ABCA9: variants seen among roughly 807,000 people sequenced by gnomAD.
ABCA9 encodes ATP-binding cassette sub-family A member 9.
ABCA9 carries 183 observed loss-of-function variants against 205.3 expected under a neutral mutation model. The observed-to-expected ratio is 0.89, with a 90% CI of 0.79 to 1.01. The LOEUF (loss-of-function observed/expected upper bound fraction) is 1.01. Among genes scored for constraint, ABCA9 ranks in the 50% least tolerant of loss-of-function variants. The pLI, the probability that ABCA9 is intolerant of heterozygous loss-of-function variation, is 0.00. For synonymous variants in ABCA9, 651 were observed against 683.3 expected (o/e 0.95, Z 0.74); for missense variants, 1,805 against 1,912.4 (o/e 0.94, Z 1.05).
chr17:69,027,624 T>TAATA lies in ABCA9; in HGVS notation c.1791+12_1791+15dup. The TAATA allele has an allele frequency of 4.4e-6, 7 of 1,608,142 alleles. No individual in the cohort carries two copies. Among genetic ancestry groups the TAATA allele is most frequent in the Non-Finnish European group, 5.9e-6 (7 of 1,177,218 alleles). On this transcript the variant is annotated intron_variant, in intron 13 of 38. Transcript: ENST00000340001. The stretch of plus-strand genomic sequence containing the variant: ...CTCTTTTTTATGGCTATGTGACATC[T>TAATA]AATATGCTCACATACCTCTTTCTCC...
At chr17:69,054,664 C>G (rs1429568784) in intron 1 of ABCA9, among the ~76,000 whole-genome samples, 1 of 151,538 alleles carries the variant, frequency 6.6e-6, no homozygotes, top group Non-Finnish European at 1.5e-5. Flanking sequence ...AAAATAATAG[C>G]AATGTATTCA....
chr17:69,074,310 A>C, the ABCA9 span, among the ~76,000 whole-genome samples: 16 of 152,236 alleles, frequency 1.1e-4, no homozygotes, highest in African/African-American at 3.6e-4. Context: ...TTCTTACATG[A>C]GTATATTGCA....
intron 1 of ABCA9, among the ~76,000 whole-genome samples, chr17:69,053,876 G>T (rs766987659): frequency 1.3e-5 from 2 of 151,878 alleles, no homozygotes; most frequent in African/African-American, 4.8e-5. Context: ...ACTACACCAA[G>T]AAATATCATT....
intron 1 of ABCA9, among the ~76,000 whole-genome samples, chr17:69,055,070 T>C (rs1317988873): frequency 6.6e-6 from 1 of 152,140 alleles, no homozygotes; most frequent in African/African-American, 2.4e-5. Flanking sequence ...AGAAAAAATG[T>C]AGACCAAAAA....
At chr17:69,027,615 T>A (rs553725833) in intron 13 of ABCA9, 25 bp downstream of exon 13, 1 of 1,604,098 alleles carries the variant, frequency 6.2e-7, no homozygotes, top group Non-Finnish European at 8.5e-7. Context: ...TTTATGGCTA[T>A]GTGACATCTA....
Position 68,983,217 on chromosome 17 carries a change from C to A in ABCA9, c.4640+492G>T, listed in dbSNP as rs1191040069. Among the ~76,000 whole-genome samples, 10 of 152,106 alleles carry A rather than the reference C, an allele frequency of 6.6e-5. No homozygotes were observed. The South Asian group carries it at 2.1e-3, about 32-fold the overall frequency. On this transcript the variant is annotated intron_variant, in intron 36 of 38. Transcript: ENST00000340001. Reference sequence around the variant, plus strand: ...AAGGGAAGAAGCAGAACTTCTTATCCTTCTTCTTAGTGAGAAGAGAGTAGC... The same window carrying A: ...AAGGGAAGAAGCAGAACTTCTTATCATTCTTCTTAGTGAGAAGAGAGTAGC...
At position 69,027,057 on chromosome 17, in the gene ABCA9, A is replaced by G. The variant is rs2144335295; in HGVS notation, c.1969T>C (p.Trp657Arg). The G allele has an allele frequency of 6.2e-7, 1 of 1,614,166 alleles. No individual in the cohort carries two copies. The highest frequency in any genetic ancestry group is 1.6e-4 in the Middle Eastern group (1 of 6,062). Residue 657 changes from tryptophan to arginine, a missense_variant, in exon 15 of 39, where the codon TGG becomes CGG. Physicochemically the swap from Trp to Arg is moderately radical, Grantham distance 101. Transcript: ENST00000340001. ...GATTTCCCCTCTTTCAGGAGATTCC[A>G]TATTCGGTGCCTTGAAAGAGGATCC... is the stretch of plus-strand genomic sequence containing the variant. ...GLDPLSRHRI[W>R]NLLKEGKSDR...
chr17:69,072,929 A>G, the ABCA9 span, among the ~76,000 whole-genome samples: 3 of 152,218 alleles, frequency 2.0e-5, no homozygotes, highest in Admixed American at 6.5e-5. Flanking sequence ...ATGGAAAGCA[A>G]ATAAAGCAGG....
chr17:68,987,383 G>A lies in ABCA9; in HGVS notation c.4048-1059C>T, dbSNP rs534766005. On this transcript the variant is annotated intron_variant, in intron 31 of 38. Transcript: ENST00000340001. The stretch of plus-strand genomic sequence containing the variant: ...TAAAATATAAGTAGTAAGTAAACAC[G>A]TAAGTGAACAATTTATAACCTCTGC... 3.9e-5 allele frequency among the ~76,000 whole-genome samples: 6 copies of A among 152,318 alleles called. No individual in the cohort carries two copies. In the South Asian group the frequency reaches 6.2e-4, roughly 16 times the overall value.
intron 6 of ABCA9, among the ~76,000 whole-genome samples, chr17:69,041,685 C>T (rs1026576584): frequency 6.9e-5 from 10 of 145,700 alleles, no homozygotes; most frequent in African/African-American, 1.5e-4. Context: ...GCCTGGGTGA[C>T]GGAGCAAGAC....
At chr17:69,039,138 C>T (rs888185945) in intron 6 of ABCA9, among the ~76,000 whole-genome samples, 1 of 152,148 alleles carries the variant, frequency 6.6e-6, no homozygotes, top group African/African-American at 2.4e-5. Flanking sequence ...GCCATACTGT[C>T]CAAAGTAATT....
At chr17:69,046,914 A>T (rs1283607736) in intron 3 of ABCA9, among the ~76,000 whole-genome samples, 4 of 113,086 alleles carry the variant, frequency 3.5e-5, no homozygotes, top group African/African-American at 9.7e-5. Context: ...TATATATATA[A>T]AATTTTATAT....
intron 2 of ABCA9, 33 bp from the exon 3 acceptor site, chr17:69,049,523 T>G (rs936850719): frequency 2.2e-5 from 34 of 1,522,638 alleles, no homozygotes; most frequent in Non-Finnish European, 3.0e-5. Context: ...GGAAACAAAC[T>G]GGTAGATGTT....
rs2070910318 is a variant in ABCA9 at position 69,024,209 on chromosome 17, G to A, written c.2281+5C>T. The A allele has an allele frequency of 6.2e-7, 1 of 1,611,016 alleles. No homozygotes were observed. The highest frequency in any genetic ancestry group is 8.5e-7 in the Non-Finnish European group (1 of 1,179,004). On this transcript the variant is annotated splice_donor_5th_base_variant and intron_variant, in intron 17 of 38. Transcript: ENST00000340001. ...AACCATTCTGTCATCTTTACATTTT[G>A]TTACCTGGAAATTTGTTTGTCCTTT... is the stretch of plus-strand genomic sequence containing the variant.
chr17:69,026,312 C>T (rs1235073724), intron 16 of ABCA9, 65 bp downstream of exon 16: 14 of 1,323,648 alleles, frequency 1.1e-5, no homozygotes, highest in African/African-American at 1.5e-5. Context: ...CACATTGATG[C>T]TGATACCACC....
intron 31 of ABCA9, among the ~76,000 whole-genome samples, chr17:68,987,185 C>A (rs984430980): frequency 2.0e-5 from 3 of 152,162 alleles, no homozygotes; most frequent in Non-Finnish European, 4.4e-5. Context: ...TTATCACAAG[C>A]ATGGATTATG....
Position 69,045,331 on chromosome 17 carries a change from T to G in ABCA9, c.310A>C (p.Thr104Pro). The part of the protein sequence containing the change: ...VASAPFLKGR[T>P]IMGWPDEKSM... ...TTTTCATCAGGCCACCCCATGATTG[T>G]TCTTCCTGCCATGTGAAGAAAACAA... The change falls in exon 4 of 39, where the codon ACA becomes CCA. Residue 104 changes from threonine to proline, a missense_variant. Coordinates refer to ENST00000340001, the MANE Select transcript of ABCA9 (RefSeq NM_080283.4). 6.2e-7 allele frequency: 1 copy of G among 1,608,320 alleles called. No individual in the cohort carries two copies. Among genetic ancestry groups the G allele is most frequent in the Non-Finnish European group, 8.5e-7 (1 of 1,177,154 alleles).
upstream of ABCA9, among the ~76,000 whole-genome samples, chr17:69,061,895 G>A (rs1567981777): frequency 6.6e-6 from 1 of 152,126 alleles, no homozygotes; most frequent in Admixed American, 6.6e-5. Context: ...CTTCAGTACT[G>A]TAATTTCTTC....
upstream of ABCA9, among the ~76,000 whole-genome samples, chr17:69,065,767 G>A (rs780037433): frequency 2.0e-4 from 31 of 152,070 alleles, no homozygotes; most frequent in Non-Finnish European, 2.9e-4. Context: ...GGCAAATCTC[G>A]TCTTAAATTA....
Sources: allele counts gnomAD v4.1 joint callset (sites outside exome capture counted in the v4.1 genomes callset), GRCh38; gene constraint gnomAD v4.1.1; transcripts MANE v1.5; gene names NCBI Gene and HGNC (gene_info 2026-07-23, HGNC 2026-07-21).